The following CSNK2A1 variants were observed in gnomAD, a reference collection of about 807,000 sequenced individuals.
The protein encoded by CSNK2A1 is casein kinase II subunit alpha.
CSNK2A1 carries 10 observed loss-of-function variants against 62.9 expected under a neutral mutation model. That is an observed-to-expected ratio of 0.16 (90% CI 0.10 to 0.27). CSNK2A1 has a LOEUF of 0.27. Ranked by LOEUF, CSNK2A1 falls within the 10% of genes least tolerant of loss-of-function variation. CSNK2A1 has a pLI of 1.00. For synonymous variants in CSNK2A1, 124 were observed against 167.8 expected (o/e 0.74, Z 2.02); for missense variants, 160 against 492.0 (o/e 0.33, Z 6.38).
chr20:502,311 T>C, intron 4 of CSNK2A1: 1 of 152,224 alleles, frequency 6.6e-6, no homozygotes, highest in East Asian at 1.9e-4. Flanking sequence ...AACTGTTATA[T>C]TATCTGGGAG....
At chr20:526,985 AAGAGAGAGAGACAGACAGAG>A (rs1303744041) in intron 2 of CSNK2A1, 3 of 89,996 alleles carry the variant, frequency 3.3e-5, no homozygotes, top group East Asian at 7.2e-4. Flanking sequence ...GAGAGAGAGA[AAGAGAGAGAGACAGACAGAG>A]AGAGAGAGAG....
At chr20:530,614 T>C (rs745856414) in intron 1 of CSNK2A1, among the ~76,000 whole-genome samples, 2 of 151,960 alleles carry the variant, frequency 1.3e-5, no homozygotes, top group South Asian at 2.1e-4. Context: ...GCTGGGACTA[T>C]GGGTGTGCGC....
chr20:487,623 A>G lies in CSNK2A1; in HGVS notation c.825-48T>C, dbSNP rs1326099144. The G allele has an allele frequency of 1.9e-6, 3 of 1,611,994 alleles. No individual in the cohort carries two copies. In the African/African-American group the frequency reaches 4.0e-5, roughly 22 times the overall value. ...GAGAAATGGGCCACGTGGGCACAGAAGCCCAACATTTCATTCCTACATTTT... is the reference window on the plus strand; with the variant it reads ...GAGAAATGGGCCACGTGGGCACAGAGGCCCAACATTTCATTCCTACATTTT... On this transcript the variant is annotated intron_variant, in intron 11 of 13. Coordinates refer to ENST00000217244, the MANE Select transcript of CSNK2A1 (RefSeq NM_177559.3).
chr20:537,963 C>CTT (rs60811807), intron 1 of CSNK2A1, among the ~76,000 whole-genome samples: 5,117 of 141,322 alleles, frequency 0.036, 353 homozygotes, highest in African/African-American at 0.13. Context: ...CAGTTAACAT[C>CTT]TTTTTTTTTT....
chr20:490,526 C>T (rs1328191081), intron 9 of CSNK2A1, among the ~76,000 whole-genome samples: 2 of 149,614 alleles, frequency 1.3e-5, no homozygotes, highest in Admixed American at 6.7e-5. Flanking sequence ...GCCTCAGCCT[C>T]CTGAGTAGCT....
Position 479,624 on chromosome 20 carries a change from G to C in CSNK2A1, c.*4337C>G, listed in dbSNP as rs910898774. 2.6e-5 allele frequency: 4 copies of C among 152,214 alleles called. No individual in the cohort carries two copies. Among genetic ancestry groups the C allele is most frequent in the African/African-American group, 9.7e-5 (4 of 41,444 alleles). 9.4% of individuals were successfully genotyped at this position (152,214 alleles called of 1,614,324 possible). ...CTCTGTTAGAGGTAGACCACTTGCAGTAACATTACATTGCTTCTCTAATGG... is the reference window on the plus strand; with the variant it reads ...CTCTGTTAGAGGTAGACCACTTGCACTAACATTACATTGCTTCTCTAATGG... On this transcript the variant is annotated 3_prime_UTR_variant, in exon 14 of 14. Coordinates refer to ENST00000217244, the MANE Select transcript of CSNK2A1 (RefSeq NM_177559.3).
chr20:512,260 T>C (rs2018738712), intron 2 of CSNK2A1, among the ~76,000 whole-genome samples: 1 of 152,076 alleles, frequency 6.6e-6, no homozygotes, highest in South Asian at 2.1e-4. Context: ...TTGTATCTCA[T>C]TGACTGTGAT....
At chr20:515,877 T>A (rs1235021008) in intron 2 of CSNK2A1, among the ~76,000 whole-genome samples, 2 of 152,220 alleles carry the variant, frequency 1.3e-5, no homozygotes, top group African/African-American at 4.8e-5. Flanking sequence ...GGTACGCAAC[T>A]AGGAGAACTG....
rs1400243256 is a variant in CSNK2A1, at chr20:481,945, G to A, written c.*2016C>T. 1 of 152,136 alleles carries A rather than the reference G, an allele frequency of 6.6e-6. No individual in the cohort carries two copies. 9.4% of individuals were successfully genotyped at this position (152,136 alleles called of 1,614,324 possible). A position where few individuals can be genotyped will look rare whatever the true frequency, so the allele number is the denominator to read the frequency against. ...AGTACAATAAATATCCACTGTAAGT[G>A]GTCATAAGGAAGAAAATCACCCTGC... On this transcript the variant is annotated 3_prime_UTR_variant, in exon 14 of 14. Transcript: ENST00000217244.
At chr20:524,060 AT>A in intron 2 of CSNK2A1, among the ~76,000 whole-genome samples, 1 of 151,968 alleles carries the variant, frequency 6.6e-6, no homozygotes, top group South Asian at 2.1e-4. Flanking sequence ...AAAGGAGTCA[AT>A]TTTACTGTGT....
At position 520,973 on chromosome 20, in the gene CSNK2A1, T is replaced by TC. The variant is rs529471244; in HGVS notation, c.-110+6959dup. Among the ~76,000 whole-genome samples, 8 of 152,050 alleles carry TC rather than the reference T, an allele frequency of 5.3e-5. No individual in the cohort carries two copies. The South Asian group carries it at 1.5e-3, about 28-fold the overall frequency. On this transcript the variant is annotated intron_variant, in intron 2 of 13. Transcript: ENST00000217244. ...CTGGGTGACAAGGCAAGACTCTACC[T>TC]CTGGGGGGGAAAAAAAAAGATATAA... is the stretch of plus-strand genomic sequence containing the variant.
chr20:519,394 A>G (rs535647341), intron 2 of CSNK2A1, among the ~76,000 whole-genome samples: 1 of 152,360 alleles, frequency 6.6e-6, no homozygotes, highest in South Asian at 2.1e-4. Context: ...TCCAAAACCA[A>G]ACATATAATT....
intron 13 of CSNK2A1, among the ~76,000 whole-genome samples, chr20:484,347 T>C (rs2122494049): frequency 6.6e-6 from 1 of 152,362 alleles, no homozygotes; most frequent in South Asian, 2.1e-4. Context: ...CAACCATGGT[T>C]GGATTCTAAC....
chr20:525,141 A>G (rs556457746), intron 2 of CSNK2A1, among the ~76,000 whole-genome samples: 1 of 152,182 alleles, frequency 6.6e-6, no homozygotes, highest in Non-Finnish European at 1.5e-5. Context: ...ATAAAAAAAA[A>G]CATAGGCTAT....
chr20:510,115 T>A (rs2122575765), intron 2 of CSNK2A1: 1 of 151,906 alleles, frequency 6.6e-6, no homozygotes, highest in South Asian at 2.1e-4. Flanking sequence ...AATTATTGTA[T>A]CAATGTAAAT....
chr20:497,712 T>C lies in CSNK2A1; in HGVS notation c.426+9A>G, dbSNP rs1474977917. On this transcript the variant is annotated intron_variant, in intron 7 of 13. Transcript: ENST00000217244. ...TTTAAAAAATATTTAGTATTCAAGG[T>C]TCACTTACCTTCAGAATCTCATACA... The C allele has an allele frequency of 6.2e-7, 1 of 1,601,654 alleles. No individual in the cohort carries two copies. Among genetic ancestry groups the C allele is most frequent in the Admixed American group, 1.7e-5 (1 of 59,728 alleles).
Position 497,724 on chromosome 20 carries a change from C to G in CSNK2A1, c.423G>C (p.Leu141=). Residue 141 remains leucine (L), a synonymous_variant, in exon 7 of 14, where the codon CTG becomes CTC. Transcript: ENST00000217244. ...TTAGTATTCAAGGTTCACTTACCTT[C>G]AGAATCTCATACATGTAAAATCGAA... ...YDIRFYMYEI[L]KALDYCHSMG... 2 of 1,609,216 alleles carry G rather than the reference C, an allele frequency of 1.2e-6. No homozygotes were observed. The highest frequency in any genetic ancestry group is 2.2e-5 in the South Asian group (2 of 90,886).
rs1230080871 is a variant in CSNK2A1 at position 492,053 on chromosome 20, C to T, written c.621+201G>A. On this transcript the variant is annotated intron_variant, in intron 9 of 13. Transcript: ENST00000217244. Reference sequence around the variant, plus strand: ...AAATGCAAACCTATTCATATTCTACCGACATTATGACAATAAAAGTAATGT... The same window carrying T: ...AAATGCAAACCTATTCATATTCTACTGACATTATGACAATAAAAGTAATGT... 3.3e-5 allele frequency among the ~76,000 whole-genome samples: 5 copies of T among 152,054 alleles called. No homozygotes were observed. In the East Asian group the frequency reaches 5.8e-4, roughly 18 times the overall value.
Position 528,049 on chromosome 20 carries a change from G to C in CSNK2A1, c.-226C>G, listed in dbSNP as rs1422342731. On this transcript the variant is annotated splice_region_variant and 5_prime_UTR_variant, in exon 2 of 14. Coordinates refer to ENST00000217244, the MANE Select transcript of CSNK2A1 (RefSeq NM_177559.3). Reference sequence around the variant, plus strand: ...ACACTGCTTGACAAGCCTTGATAGAGCTACAAAAACAGTTCAGTACTCCGT... The same window carrying C: ...ACACTGCTTGACAAGCCTTGATAGACCTACAAAAACAGTTCAGTACTCCGT... 6.6e-6 allele frequency: 1 copy of C among 152,134 alleles called. No individual in the cohort carries two copies. The highest frequency in any genetic ancestry group is 2.4e-5 in the African/African-American group (1 of 41,420). The allele number at this position is 152,134 out of a possible 1,614,324, so 9.4% of individuals were successfully genotyped here.
Sources: allele counts gnomAD v4.1 joint callset (sites outside exome capture counted in the v4.1 genomes callset), GRCh38; gene constraint gnomAD v4.1.1; transcripts MANE v1.5; gene names NCBI Gene and HGNC (gene_info 2026-07-23, HGNC 2026-07-21).